IGSF21: variants seen among roughly 807,000 people sequenced by gnomAD.
IGSF21 encodes immunoglobin superfamily member 21.
A neutral mutation model predicts 46.8 loss-of-function variants in IGSF21; 28 were observed. That is an observed-to-expected ratio of 0.60 (90% confidence interval 0.44 to 0.82). The LOEUF is 0.82. Among genes scored for constraint, IGSF21 ranks in the 40% least tolerant of loss-of-function variants. IGSF21 has a pLI of 0.00. For synonymous variants in IGSF21, 284 were observed against 273.6 expected (o/e 1.04, Z -0.38); for missense variants, 624 against 665.5 (o/e 0.94, Z 0.69).
chr1:18,294,153 A>G (rs2085291568), intron 3 of IGSF21, among the ~76,000 whole-genome samples: 1 of 152,218 alleles, frequency 6.6e-6, no homozygotes, highest in South Asian at 2.1e-4. Context: ...TCCTGGCATT[A>G]GTGAAATCTG....
intron 8 of IGSF21, among the ~76,000 whole-genome samples, 185 bp downstream of exon 8, chr1:18,377,177 C>A (rs1304823033): frequency 6.6e-6 from 1 of 152,172 alleles, no homozygotes; most frequent in Non-Finnish European, 1.5e-5. Context: ...AAATCAGCTT[C>A]GGACTCAGAA....
chr1:18,215,242 T>C (rs1028124609), intron 1 of IGSF21, among the ~76,000 whole-genome samples: 11 of 152,196 alleles, frequency 7.2e-5, no homozygotes, highest in African/African-American at 2.2e-4. Context: ...CATTCATGGA[T>C]TCATTCATAG....
intron 2 of IGSF21, among the ~76,000 whole-genome samples, chr1:18,286,313 G>A (rs1363777563): frequency 7.9e-5 from 12 of 152,202 alleles, no homozygotes; most frequent in Non-Finnish European, 1.6e-4. Context: ...TCTTGGTATA[G>A]TTCACTTATT....
At chr1:18,277,654 A>G (rs926320213) in intron 2 of IGSF21, among the ~76,000 whole-genome samples, 3 of 152,264 alleles carry the variant, frequency 2.0e-5, no homozygotes, top group African/African-American at 7.2e-5. Context: ...GAACAGCTTA[A>G]CAAACATAGC....
chr1:18,117,149 C>T (rs1264622534), intron 1 of IGSF21, among the ~76,000 whole-genome samples: 1 of 152,224 alleles, frequency 6.6e-6, no homozygotes, highest in Non-Finnish European at 1.5e-5. Flanking sequence ...TTTGAACCTC[C>T]ACTGGGTTAT....
chr1:18,240,274 C>G (rs1437734399), intron 2 of IGSF21, among the ~76,000 whole-genome samples: 1 of 152,202 alleles, frequency 6.6e-6, no homozygotes, highest in Non-Finnish European at 1.5e-5. Flanking sequence ...GAAAGAGACC[C>G]TGTCTCAAAA....
rs1569883696 is a variant in IGSF21, at chr1:18,365,091, G to A, written c.541-132G>A. On this transcript the variant is annotated intron_variant, in intron 5 of 9. Transcript: ENST00000251296. The surrounding 1 kb of genome is among the most constrained non-coding windows in gnomAD (Gnocchi z 4.8). Reference sequence around the variant, plus strand: ...GGGGGTGTTGAAGGGAAAAGAGTGGGGTGAGGGCTACTGTCTAGACTACTA... The same window carrying A: ...GGGGGTGTTGAAGGGAAAAGAGTGGAGTGAGGGCTACTGTCTAGACTACTA... The A allele has an allele frequency of 2.9e-6, 2 of 679,404 alleles. No homozygotes were observed. The highest frequency in any genetic ancestry group is 5.1e-6 in the Non-Finnish European group (2 of 391,762). The allele number at this position is 679,404 out of a possible 1,614,324, so 42.1% of individuals were successfully genotyped here.
chr1:18,120,459 T>A (rs2086225285), intron 1 of IGSF21, among the ~76,000 whole-genome samples: 2 of 152,138 alleles, frequency 1.3e-5, no homozygotes, highest in East Asian at 3.9e-4. Context: ...AGTGCAGAGC[T>A]GGTAGAAAGG....
intron 3 of IGSF21, among the ~76,000 whole-genome samples, chr1:18,324,122 G>A (rs1440022244): frequency 1.3e-5 from 2 of 152,224 alleles, no homozygotes; most frequent in African/African-American, 2.4e-5. Flanking sequence ...AAGAATGGCC[G>A]GGCTCCTGAC....
intron 1 of IGSF21, among the ~76,000 whole-genome samples, chr1:18,186,227 C>T (rs1195000781): frequency 6.6e-6 from 1 of 152,238 alleles, no homozygotes; most frequent in African/African-American, 2.4e-5. Context: ...GGGCAAAGCT[C>T]TTAGGGGGTT....
At chr1:18,340,823 T>C (rs1181764973) in intron 4 of IGSF21, among the ~76,000 whole-genome samples, 1 of 152,234 alleles carries the variant, frequency 6.6e-6, no homozygotes, top group Non-Finnish European at 1.5e-5. Flanking sequence ...TCTCATCATA[T>C]GGCCTTCTCT....
intron 1 of IGSF21, chr1:18,115,906 A>AGG (rs1185389056): frequency 9.0e-6 from 1 of 111,262 alleles, no homozygotes; most frequent in Non-Finnish European, 1.8e-5. Flanking sequence ...AGAAAGAAGG[A>AGG]GAGGGAGGGA....
chr1:18,270,566 C>G (rs947071361), intron 2 of IGSF21, among the ~76,000 whole-genome samples: 1 of 152,226 alleles, frequency 6.6e-6, no homozygotes, highest in Non-Finnish European at 1.5e-5. Context: ...GCTTCCTTCC[C>G]TGTGCAGAGC....
chr1:18,278,111 C>T (rs2085120277), intron 2 of IGSF21, among the ~76,000 whole-genome samples: 1 of 151,982 alleles, frequency 6.6e-6, no homozygotes, highest in African/African-American at 2.4e-5. Flanking sequence ...CTGCAGCTCA[C>T]TTTGGAAGGC....
At chr1:18,370,553 G>T (rs985246008) in intron 6 of IGSF21, among the ~76,000 whole-genome samples, 2 of 151,956 alleles carry the variant, frequency 1.3e-5, no homozygotes, top group Non-Finnish European at 2.9e-5. Context: ...TTCTTAAAGT[G>T]GTCACAAAAT....
intron 6 of IGSF21, among the ~76,000 whole-genome samples, chr1:18,374,404 G>A (rs570147370): frequency 3.3e-5 from 5 of 152,266 alleles, no homozygotes; most frequent in South Asian, 2.1e-4. Context: ...TAACGGCCCC[G>A]CGTGTTAGGC....
intron 3 of IGSF21, among the ~76,000 whole-genome samples, chr1:18,331,586 C>CT (rs1557647103): frequency 6.6e-6 from 1 of 152,196 alleles, no homozygotes; most frequent in Admixed American, 6.5e-5. Flanking sequence ...TGCAAGTATC[C>CT]TTTTCATATA....
intron 1 of IGSF21, among the ~76,000 whole-genome samples, chr1:18,146,909 A>G (rs1246670628): frequency 6.6e-6 from 1 of 152,230 alleles, no homozygotes; most frequent in Non-Finnish European, 1.5e-5. Flanking sequence ...TGGTAGGGTA[A>G]GAAATAAAAC....
intron 2 of IGSF21, among the ~76,000 whole-genome samples, chr1:18,277,256 G>A (rs1308172245): frequency 1.3e-5 from 2 of 152,198 alleles, no homozygotes; most frequent in African/African-American, 4.8e-5. Context: ...CTCTGGCCTC[G>A]GTTGCCTCCT....
Sources: allele counts gnomAD v4.1 joint callset (sites outside exome capture counted in the v4.1 genomes callset), GRCh38; gene constraint gnomAD v4.1.1; non-coding constraint Gnocchi (gnomAD v3.1); transcripts MANE v1.5; gene names NCBI Gene and HGNC (gene_info 2026-07-23, HGNC 2026-07-21).